The following CEP120 variants were observed in gnomAD, a reference collection of about 807,000 sequenced individuals.
CEP120 encodes centrosomal protein of 120 kDa.
CEP120 carries 113 observed loss-of-function variants against 126.5 expected under a neutral mutation model. The observed-to-expected ratio is 0.89, with a 90% CI of 0.77 to 1.04. The LOEUF (loss-of-function observed/expected upper bound fraction) is 1.04. Among genes scored for constraint, CEP120 ranks in the 50% least tolerant of loss-of-function variants. CEP120 has a pLI of 0.00. For synonymous variants in CEP120, 400 were observed against 394.3 expected, an observed-to-expected ratio of 1.01 and a Z score of -0.17; for missense variants, 1,230 against 1,155.7, an observed-to-expected ratio of 1.06 and a Z score of -0.93.
chr5:123,358,969 A>G (rs1769866351), intron 18 of CEP120, among the ~76,000 whole-genome samples: 1 of 152,114 alleles, frequency 6.6e-6, no homozygotes, highest in Non-Finnish European at 1.5e-5. Context: ...AAAATAACCC[A>G]GAGCTGACAA....
chr5:123,377,812 T>C (rs1288496640), intron 15 of CEP120, among the ~76,000 whole-genome samples: 1 of 152,102 alleles, frequency 6.6e-6, no homozygotes, highest in Non-Finnish European at 1.5e-5. Flanking sequence ...AATAAAACCT[T>C]TTTAAGTGTG....
In CEP120 at chr5:123,386,675, T is replaced by TAAAAAAAAAAAAA. The variant is rs1562047830; in HGVS notation, c.1431-9_1431-8insTTTTTTTTTTTTT. 9.3e-6 allele frequency: 6 copies of TAAAAAAAAAAAAA among 641,786 alleles called. 2 individuals are homozygous for TAAAAAAAAAAAAA. In the African/African-American group the frequency reaches 1.1e-4, roughly 12 times the overall value. 39.8% of individuals were successfully genotyped at this position (641,786 alleles called of 1,614,324 possible). On this transcript the variant is annotated splice_polypyrimidine_tract_variant and intron_variant, in intron 9 of 19. Coordinates refer to ENST00000306467, the MANE Select transcript of CEP120 (RefSeq NM_001375405.1). The stretch of plus-strand genomic sequence containing the variant: ...AAGAATGGATATGAGTACCTAGAAT[T>TAAAAAAAAAAAAA]TAAAAAAAAAAAAAAAAAAAAAAGC...
In CEP120 at chr5:123,393,357, G is replaced by C. The variant is rs1772530738; in HGVS notation, c.753C>G (p.Arg251=). The C allele has an allele frequency of 6.2e-7, 1 of 1,614,148 alleles. No individual in the cohort carries two copies. Among genetic ancestry groups the C allele is most frequent in the Admixed American group, 1.7e-5 (1 of 60,028 alleles). ...PNFEPERASV[R]IRSSVEILRV... is the part of the protein sequence containing the mutation. ...GAAGAATTTCTACACTGCTACGGAT[G>C]CGAACTGATGCTCTCTCTGGCTCAA... The change falls in exon 6 of 20, where the codon CGC becomes CGG. Residue 251 remains arginine (R), a synonymous_variant. Coordinates refer to ENST00000306467, the MANE Select transcript of CEP120 (RefSeq NM_001375405.1).
intron 16 of CEP120, among the ~76,000 whole-genome samples, chr5:123,375,856 C>A (rs1398675039): frequency 2.0e-5 from 3 of 152,068 alleles, no homozygotes; most frequent in Non-Finnish European, 4.4e-5. Context: ...TTACAACCAC[C>A]TAAATAATGG....
At chr5:123,403,956 A>T (rs931155907) in intron 4 of CEP120, among the ~76,000 whole-genome samples, 1 of 152,250 alleles carries the variant, frequency 6.6e-6, no homozygotes, top group African/African-American at 2.4e-5. Context: ...CAATTGGTAA[A>T]ACAAAACTCA....
chr5:123,415,439 C>A (rs1185071355), intron 3 of CEP120, among the ~76,000 whole-genome samples: 6 of 152,180 alleles, frequency 3.9e-5, no homozygotes, highest in Admixed American at 3.9e-4. Context: ...AGCTCAGGGG[C>A]TAGGCATGTT....
chr5:123,414,695 G>A (rs1333040075), intron 3 of CEP120, among the ~76,000 whole-genome samples: 2 of 152,158 alleles, frequency 1.3e-5, no homozygotes, highest in South Asian at 2.1e-4. Context: ...GGCCGGGCGC[G>A]GTGGCTCACG....
At chr5:123,367,767 T>C (rs1423051579) in intron 17 of CEP120, among the ~76,000 whole-genome samples, 1 of 151,926 alleles carries the variant, frequency 6.6e-6, no homozygotes, top group Non-Finnish European at 1.5e-5. Flanking sequence ...TTTTAGACAA[T>C]TTCAGTAAAA....
chr5:123,371,361 AAG>A (rs1310127340), intron 17 of CEP120, among the ~76,000 whole-genome samples: 1 of 152,060 alleles, frequency 6.6e-6, no homozygotes, highest in Non-Finnish European at 1.5e-5. Flanking sequence ...GCGGCAGGCA[AAG>A]AGAGAGCTGG....
intron 3 of CEP120, among the ~76,000 whole-genome samples, chr5:123,415,592 G>C (rs1218444375): frequency 6.6e-6 from 1 of 152,152 alleles, no homozygotes; most frequent in Non-Finnish European, 1.5e-5. Context: ...CTGCCATATT[G>C]GCTGGGTGCA....
intron 5 of CEP120, among the ~76,000 whole-genome samples, chr5:123,398,362 T>C (rs529812955): frequency 7.9e-5 from 12 of 152,274 alleles, no homozygotes; most frequent in African/African-American, 2.6e-4. Flanking sequence ...TTGCAGAGTA[T>C]GGCAAGACTG....
chr5:123,404,933 C>T (rs542071033), intron 4 of CEP120, among the ~76,000 whole-genome samples: 2 of 152,232 alleles, frequency 1.3e-5, no homozygotes, highest in South Asian at 2.1e-4. Context: ...AAAAAACTTT[C>T]GAGACTATCT....
intron 8 of CEP120, 129 bp from the exon 9 acceptor site, chr5:123,388,735 A>T: frequency 1.6e-6 from 1 of 619,632 alleles, no homozygotes; most frequent in Non-Finnish European, 2.5e-6. Flanking sequence ...TCTCATGAAC[A>T]TATGAATTGA....
chr5:123,352,211 C>T (rs528885643), intron 18 of CEP120, among the ~76,000 whole-genome samples: 1 of 152,126 alleles, frequency 6.6e-6, no homozygotes, highest in Non-Finnish European at 1.5e-5. Flanking sequence ...TAAATTACAA[C>T]TATTTCCCAG....
chr5:123,365,954 T>A (rs766236062), intron 17 of CEP120, among the ~76,000 whole-genome samples: 22 of 151,380 alleles, frequency 1.5e-4, no homozygotes, highest in Non-Finnish European at 2.7e-4. Flanking sequence ...AAATTGTGGA[T>A]AGGTTATATC....
chr5:123,388,575 C>T lies in CEP120; in HGVS notation c.1287G>A (p.Gln429=). 6.3e-7 allele frequency: 1 copy of T among 1,597,372 alleles called. No homozygotes were observed. The highest frequency in any genetic ancestry group is 8.5e-7 in the Non-Finnish European group (1 of 1,174,564). ...CTGAAGCATTGGATGTAGTCACTAGCTGGGCCAGTGAAGCAGGTACAGAAG... is the reference window on the plus strand; with the variant it reads ...CTGAAGCATTGGATGTAGTCACTAGTTGGGCCAGTGAAGCAGGTACAGAAG... ...ASSSVPASLA[Q]LVTTSNASEV... The change falls in exon 9 of 20, where the codon CAG becomes CAA. Residue 429 remains glutamine, a synonymous_variant. Coordinates refer to ENST00000306467, the MANE Select transcript of CEP120 (RefSeq NM_001375405.1).
At chr5:123,392,027 T>G (rs972901847) in intron 6 of CEP120, among the ~76,000 whole-genome samples, 9 of 152,140 alleles carry the variant, frequency 5.9e-5, no homozygotes, top group African/African-American at 2.2e-4. Context: ...TATTGAAGCC[T>G]TAGCAAACTT....
At chr5:123,372,524 C>T in intron 17 of CEP120, 126 bp downstream of exon 17, 2 of 968,236 alleles carry the variant, frequency 2.1e-6, no homozygotes, top group Non-Finnish European at 3.1e-6. Context: ...CTTTAATTCT[C>T]TAATGCATTC....
At chr5:123,371,659 G>A (rs1454977837) in intron 17 of CEP120, among the ~76,000 whole-genome samples, 1 of 152,010 alleles carries the variant, frequency 6.6e-6, no homozygotes, top group African/African-American at 2.4e-5. Context: ...CTCTCTGATG[G>A]GACATGGAAC....
Sources: allele counts gnomAD v4.1 joint callset (sites outside exome capture counted in the v4.1 genomes callset), GRCh38; gene constraint gnomAD v4.1.1; transcripts MANE v1.5; gene names NCBI Gene and HGNC (gene_info 2026-07-23, HGNC 2026-07-21).